The following ZNF248 variants were observed in gnomAD, a reference collection of about 807,000 sequenced individuals.
The protein encoded by ZNF248 is zinc finger protein 248, also known as KRAB protein domain.
A neutral mutation model predicts 44.3 loss-of-function variants in ZNF248; 20 were observed. The observed-to-expected ratio is 0.45, with a 90% CI of 0.32 to 0.66. The LOEUF is 0.66. Among genes scored for constraint, ZNF248 ranks in the 30% least tolerant of loss-of-function variants. The pLI, the probability that ZNF248 is intolerant of heterozygous loss-of-function variation, is 0.04. For missense variants in ZNF248, 654 were observed against 677.0 expected (o/e 0.97, Z 0.38); for synonymous variants, 224 against 229.0 (o/e 0.98, Z 0.20).
At chr10:37,822,249 T>C (rs757418135) in intron 6 of ZNF248, among the ~76,000 whole-genome samples, 7 of 152,114 alleles carry the variant, frequency 4.6e-5, no homozygotes, top group Admixed American at 2.0e-4. Flanking sequence ...CTTGTCTACA[T>C]AGAAAGCTAC....
chr10:37,838,740 A>G (rs1041502707), intron 3 of ZNF248, among the ~76,000 whole-genome samples: 1 of 151,174 alleles, frequency 6.6e-6, no homozygotes, highest in Non-Finnish European at 1.5e-5. Flanking sequence ...GATAGGGACA[A>G]TGAAAAAAAA....
At chr10:37,852,128 T>A (rs2060375444) in intron 3 of ZNF248, among the ~76,000 whole-genome samples, 1 of 151,916 alleles carries the variant, frequency 6.6e-6, no homozygotes, top group Admixed American at 6.6e-5. Flanking sequence ...ATGCCTGTAA[T>A]CCCAGCTACT....
chr10:37,791,655 C>G (rs780322532), intron 6 of ZNF248: 18 of 152,002 alleles, frequency 1.2e-4, no homozygotes, highest in Non-Finnish European at 1.0e-4. Flanking sequence ...TTAAAAGCAG[C>G]AACAAAAGAC....
chr10:37,785,766 C>T (rs1183335732), intron 6 of ZNF248, among the ~76,000 whole-genome samples: 1 of 152,120 alleles, frequency 6.6e-6, no homozygotes, highest in African/African-American at 2.4e-5. Context: ...AAATCACACA[C>T]TTGTTTATTA....
At chr10:37,820,804 T>C (rs1564532402) in intron 6 of ZNF248, 1 of 1,189,004 alleles carries the variant, frequency 8.4e-7, no homozygotes, top group East Asian at 2.3e-5. Flanking sequence ...ATTTTGCCTT[T>C]TGTTTCCTGA....
At chr10:37,790,406 G>A (rs550633506) in intron 6 of ZNF248, among the ~76,000 whole-genome samples, 2 of 151,570 alleles carry the variant, frequency 1.3e-5, no homozygotes, top group South Asian at 4.2e-4. Flanking sequence ...ATAGGGAGAC[G>A]CTGTCTCTAC....
Position 37,813,129 on chromosome 10 carries a change from G to A in ZNF248, c.330+19896C>T, listed in dbSNP as rs528581563. On this transcript the variant is annotated intron_variant, in intron 6 of 6. Coordinates refer to the ZNF248 transcript ENST00000615949. ...AGACTTCACAACAGAGGAATTAACA[G>A]ATGACTTGACAGAGATGAGCACTTC... Among the ~76,000 whole-genome samples the A allele has an allele frequency of 8.6e-5, 13 of 152,034 alleles. No homozygotes were observed. In the East Asian group the frequency reaches 2.5e-3, roughly 29 times the overall value.
chr10:37,796,073 C>T lies in ZNF248; in HGVS notation c.331-19498G>A, dbSNP rs144743799. On this transcript the variant is annotated intron_variant, in intron 6 of 6. Transcript: ENST00000615949. ...ATACATTTCTCTCAGGAAGAAAATG[C>T]AAATTCTTCTTAATTGGTTATAGTC... is the stretch of plus-strand genomic sequence containing the variant. 4 of 152,140 alleles carry T rather than the reference C, an allele frequency of 2.6e-5. No homozygotes were observed. In the East Asian group the frequency reaches 7.7e-4, roughly 29 times the overall value. The allele number at this position is 152,140 out of a possible 1,614,324, so 9.4% of individuals were successfully genotyped here.
intron 5 of ZNF248, among the ~76,000 whole-genome samples, chr10:37,836,392 G>T (rs1382291524): frequency 6.6e-6 from 1 of 152,068 alleles, no homozygotes; most frequent in Non-Finnish European, 1.5e-5. Flanking sequence ...CATAGCTCAT[G>T]TTTCTTCTCC....
At chr10:37,767,465 A>C in the ZNF248 span, among the ~76,000 whole-genome samples, 1 of 152,240 alleles carries the variant, frequency 6.6e-6, no homozygotes, top group Non-Finnish European at 1.5e-5. Context: ...GTGGGGGCCA[A>C]TATTCAACAT....
intron 3 of ZNF248, among the ~76,000 whole-genome samples, chr10:37,842,869 G>A (rs1162537003): frequency 6.6e-6 from 1 of 152,114 alleles, no homozygotes; most frequent in African/African-American, 2.4e-5. Context: ...ACATACCCAA[G>A]GCAGAATGTA....
At chr10:37,817,735 C>G (rs998301577) in intron 6 of ZNF248, among the ~76,000 whole-genome samples, 3 of 152,124 alleles carry the variant, frequency 2.0e-5, no homozygotes, top group Non-Finnish European at 4.4e-5. Context: ...GGATAAAACA[C>G]TAACTCTAGT....
chr10:37,810,785 A>G (rs565534887), intron 6 of ZNF248, among the ~76,000 whole-genome samples: 46 of 152,326 alleles, frequency 3.0e-4, no homozygotes, highest in Middle Eastern at 3.4e-3. Flanking sequence ...ATTAGCTGTC[A>G]AGAGAAATGT....
At chr10:37,823,560 G>C (rs566927866) in intron 6 of ZNF248, among the ~76,000 whole-genome samples, 92 of 151,840 alleles carry the variant, frequency 6.1e-4, no homozygotes, top group Non-Finnish European at 1.2e-3. Context: ...CTAGAGATGT[G>C]TCTTTATTTA....
At chr10:37,855,352 T>A (rs1178486342) in intron 3 of ZNF248, among the ~76,000 whole-genome samples, 1 of 152,194 alleles carries the variant, frequency 6.6e-6, no homozygotes. Flanking sequence ...AATATATATG[T>A]ACATCTTTTG....
In ZNF248 at chr10:37,838,142, G is replaced by A. The variant is rs190771269; in HGVS notation, c.16-31C>T. 286 of 1,593,544 alleles carry A rather than the reference G, an allele frequency of 1.8e-4. 1 individual carries two copies. In the African/African-American group the frequency reaches 3.3e-3, roughly 19 times the overall value. ...ATAGTATACTCTTTTTACATGAAAT[G>A]GTCAGAACTAGATGATACAGAAAAG... is the stretch of plus-strand genomic sequence containing the variant. On this transcript the variant is annotated intron_variant, in intron 3 of 5. Coordinates refer to ENST00000395867, the MANE Select transcript of ZNF248 (RefSeq NM_021045.3).
At chr10:37,799,661 A>G (rs1399343914) in intron 6 of ZNF248, among the ~76,000 whole-genome samples, 1 of 152,200 alleles carries the variant, frequency 6.6e-6, no homozygotes, top group African/African-American at 2.4e-5. Flanking sequence ...ACTCGTAAGA[A>G]GGGTGAGACA....
chr10:37,776,780 G>GC (rs1316757548), intron 6 of ZNF248, among the ~76,000 whole-genome samples: 5 of 151,900 alleles, frequency 3.3e-5, no homozygotes, highest in Non-Finnish European at 1.5e-5. Flanking sequence ...ACACTCAGCC[G>GC]CCCCCCACCC....
At chr10:37,797,473 A>C (rs1219744938) in intron 6 of ZNF248, among the ~76,000 whole-genome samples, 1 of 152,160 alleles carries the variant, frequency 6.6e-6, no homozygotes, top group Admixed American at 6.5e-5. Flanking sequence ...ACAAAATTAA[A>C]ACTTTTGTGC....
Sources: gnomAD v4.1 joint callset for allele counts (sites outside exome capture counted in the v4.1 genomes callset) on GRCh38, gnomAD v4.1.1 for gene constraint, MANE v1.5 for transcripts, NCBI Gene and HGNC (gene_info 2026-07-23, HGNC 2026-07-21) for gene names.